The following MAPK8 variants were observed in gnomAD, a reference collection of about 807,000 sequenced individuals.
MAPK8 encodes the protein JUN N-terminal kinase.
A neutral mutation model predicts 52.9 loss-of-function variants in MAPK8; 13 were observed. That is an observed-to-expected ratio of 0.25 (90% CI 0.16 to 0.39). The LOEUF (loss-of-function observed/expected upper bound fraction) is 0.39. Ranked by LOEUF, MAPK8 falls within the 10% of genes least tolerant of loss-of-function variation. MAPK8 has a pLI of 1.00. For synonymous variants in MAPK8, 191 were observed against 169.8 expected (o/e 1.12, Z -0.97); for missense variants, 300 against 519.2 (o/e 0.58, Z 4.10).
At chr10:48,356,956 T>TA (rs1485290009) in intron 1 of MAPK8, among the ~76,000 whole-genome samples, 1 of 118,916 alleles carries the variant, frequency 8.4e-6, no homozygotes, top group Non-Finnish European at 1.8e-5. Context: ...GGAAAAAAGA[T>TA]ATATCGTGCA....
At chr10:48,366,771 T>C (rs1848087893) in intron 1 of MAPK8, among the ~76,000 whole-genome samples, 1 of 152,172 alleles carries the variant, frequency 6.6e-6, no homozygotes, top group African/African-American at 2.4e-5. Flanking sequence ...CACTGCCATA[T>C]AGGGTTGAAA....
At chr10:48,361,620 C>T (rs565404971) in intron 1 of MAPK8, among the ~76,000 whole-genome samples, 1 of 152,184 alleles carries the variant, frequency 6.6e-6, no homozygotes, top group African/African-American at 2.4e-5. Flanking sequence ...TTTACCACTT[C>T]ATACTACTAA....
At chr10:48,403,908 C>CCGG (rs1159164782) in intron 2 of MAPK8, among the ~76,000 whole-genome samples, 2 of 122,382 alleles carry the variant, frequency 1.6e-5, no homozygotes, top group African/African-American at 6.9e-5. Flanking sequence ...GCCACCACGC[C>CCGG]CGGCTAATTT....
chr10:48,348,026 G>A (rs188904474), intron 1 of MAPK8, among the ~76,000 whole-genome samples: 24 of 152,330 alleles, frequency 1.6e-4, no homozygotes, highest in African/African-American at 5.1e-4. Context: ...GTGTAAAAGT[G>A]TTCCTATTTC....
chr10:48,339,369 A>T (rs1449252253), intron 1 of MAPK8, among the ~76,000 whole-genome samples: 2 of 152,236 alleles, frequency 1.3e-5, no homozygotes, highest in African/African-American at 4.8e-5. Flanking sequence ...GTGCTGGGAA[A>T]ACTGGCTAGC....
chr10:48,437,310 A>T lies in MAPK8; in HGVS notation c.*2281A>T, dbSNP rs2044930624. 6.6e-6 allele frequency: 1 copy of T among 152,136 alleles called. No individual in the cohort carries two copies. The highest frequency in any genetic ancestry group is 2.1e-4 in the South Asian group (1 of 4,824). 9.4% of individuals were successfully genotyped at this position (152,136 alleles called of 1,614,324 possible). On this transcript the variant is annotated 3_prime_UTR_variant, in exon 12 of 12. Transcript: ENST00000374189. ...GTCTTAAATTTGTTAAGCTAAATATATGTTGGTTCTTTTTATTTTGGAATC... is the reference window on the plus strand; with the variant it reads ...GTCTTAAATTTGTTAAGCTAAATATTTGTTGGTTCTTTTTATTTTGGAATC...
intron 1 of MAPK8, among the ~76,000 whole-genome samples, chr10:48,398,518 T>C (rs1414874913): frequency 6.6e-6 from 1 of 152,190 alleles, no homozygotes. Context: ...TGATATGGCC[T>C]CTTTGCAAGA....
At chr10:48,388,609 A>G (rs2041451042) in intron 1 of MAPK8, among the ~76,000 whole-genome samples, 1 of 152,160 alleles carries the variant, frequency 6.6e-6, no homozygotes, top group Non-Finnish European at 1.5e-5. Flanking sequence ...TGTTCCCCCC[A>G]GTTTTAAGAA....
rs200375054 is a variant in MAPK8, at chr10:48,401,618, G to A, written c.-43G>A. On this transcript the variant is annotated 5_prime_UTR_variant, in exon 2 of 12. Transcript: ENST00000374189. ...GTTTTGTTGCATCTTGCAGCTTCTT[G>A]GTGAATTTTTGGATGAAGCCATTAA... The A allele has an allele frequency of 4.4e-6, 7 of 1,599,154 alleles. No homozygotes were observed. In the East Asian group the frequency reaches 6.8e-5, roughly 16 times the overall value.
At chr10:48,354,824 A>G (rs1846702992) in intron 1 of MAPK8, among the ~76,000 whole-genome samples, 1 of 152,142 alleles carries the variant, frequency 6.6e-6, no homozygotes, top group Admixed American at 6.6e-5. Context: ...ATTCCCTAAG[A>G]TAATTTATCC....
rs368834856 is a variant in MAPK8 at position 48,402,829 on chromosome 10, G to A, written c.122+1047G>A. Among the ~76,000 whole-genome samples, 14 of 152,274 alleles carry A rather than the reference G, an allele frequency of 9.2e-5. No individual in the cohort carries two copies. The East Asian group carries it at 2.5e-3, about 27-fold the overall frequency. On this transcript the variant is annotated intron_variant, in intron 2 of 11. Transcript: ENST00000374189. ...TTTATAACAGCAAAAATTGGAAATA[G>A]CATCAAATCTATCAACAGAAGAATA... is the stretch of plus-strand genomic sequence containing the variant.
intron 1 of MAPK8, among the ~76,000 whole-genome samples, chr10:48,360,988 A>G (rs1280396747): frequency 1.3e-5 from 2 of 152,124 alleles, no homozygotes; most frequent in Non-Finnish European, 2.9e-5. Flanking sequence ...TTTTTGTAAG[A>G]TGCATTTTTT....
At chr10:48,415,273 G>A (rs2043002479) in intron 5 of MAPK8, among the ~76,000 whole-genome samples, 1 of 152,028 alleles carries the variant, frequency 6.6e-6, no homozygotes, top group African/African-American at 2.4e-5. Context: ...TCCTTAGACC[G>A]GGGCAGTAAT....
At chr10:48,321,663 C>A (rs1843008569) in intron 1 of MAPK8, among the ~76,000 whole-genome samples, 1 of 152,056 alleles carries the variant, frequency 6.6e-6, no homozygotes, top group Non-Finnish European at 1.5e-5. Flanking sequence ...GGTCTGTGAT[C>A]CATTTTGAGT....
At chr10:48,310,695 C>G (rs1410909653) in intron 1 of MAPK8, among the ~76,000 whole-genome samples, 3 of 151,948 alleles carry the variant, frequency 2.0e-5, no homozygotes, top group South Asian at 2.1e-4. Context: ...CATCTCTGTG[C>G]AGGCCAAATT....
chr10:48,335,126 A>G (rs1844564171), intron 1 of MAPK8, among the ~76,000 whole-genome samples: 2 of 152,162 alleles, frequency 1.3e-5, no homozygotes, highest in South Asian at 4.1e-4. Context: ...GTTGACTGCC[A>G]GTACTTAGAT....
At chr10:48,424,285 A>G (rs2043538498) in intron 7 of MAPK8, 126 bp downstream of exon 7, 4 of 891,110 alleles carry the variant, frequency 4.5e-6, no homozygotes, top group Non-Finnish European at 6.8e-6. Context: ...TGTGGCTATT[A>G]TAGTTCAAAA....
At chr10:48,400,350 C>T (rs2042098774) in intron 1 of MAPK8, among the ~76,000 whole-genome samples, 1 of 152,214 alleles carries the variant, frequency 6.6e-6, no homozygotes, top group Admixed American at 6.5e-5. Flanking sequence ...CTCGGTTTTA[C>T]AGCTTACATA....
At chr10:48,356,076 A>G (rs1300492474) in intron 1 of MAPK8, among the ~76,000 whole-genome samples, 1 of 110,830 alleles carries the variant, frequency 9.0e-6, no homozygotes, top group Non-Finnish European at 2.2e-5. Flanking sequence ...GCATGAAGAA[A>G]GTGACTCTCA....
Sources: allele counts gnomAD v4.1 joint callset (sites outside exome capture counted in the v4.1 genomes callset), GRCh38; gene constraint gnomAD v4.1.1; transcripts MANE v1.5; gene names NCBI Gene and HGNC (gene_info 2026-07-23, HGNC 2026-07-21).